The following AFF3 variants were observed in gnomAD, a reference collection of about 807,000 sequenced individuals.
The protein encoded by AFF3 is AF4/FMR2 family member 3.
In AFF3, 32 loss-of-function variants were observed where a neutral mutation model predicts 129.7. The observed-to-expected ratio is 0.25, with a 90% CI of 0.19 to 0.33. The LOEUF (loss-of-function observed/expected upper bound fraction) is 0.33, where lower values mean the gene tolerates loss of function less well. AFF3 is among the 10% of genes least tolerant of loss of function. The pLI is 1.00. For missense variants in AFF3, 1,373 were observed against 1,592.0 expected, an observed-to-expected ratio of 0.86 and a Z score of 2.34; for synonymous variants, 644 against 635.4, an observed-to-expected ratio of 1.01 and a Z score of -0.20.
intron 2 of AFF3, among the ~76,000 whole-genome samples, chr2:100,115,420 C>G (rs1018441853): frequency 3.3e-5 from 5 of 152,056 alleles, no homozygotes; most frequent in Non-Finnish European, 4.4e-5. Flanking sequence ...TGGTGATAGG[C>G]ACCTGTAATT....
intron 19 of AFF3, 21 bp downstream of exon 19, chr2:99,568,831 C>A (rs749226475): frequency 6.2e-7 from 1 of 1,612,250 alleles, no homozygotes; most frequent in Non-Finnish European, 8.5e-7. Flanking sequence ...AAGAACGTAT[C>A]TGGAAAGAAA....
At chr2:99,571,293 T>C (rs1335089531) in intron 18 of AFF3, among the ~76,000 whole-genome samples, 2 of 149,316 alleles carry the variant, frequency 1.3e-5, no homozygotes, top group African/African-American at 5.0e-5. Flanking sequence ...AGTTAGGTCA[T>C]TTTTTTTTTC....
intron 13 of AFF3, among the ~76,000 whole-genome samples, chr2:99,603,637 T>C (rs1406670027): frequency 1.3e-5 from 2 of 152,194 alleles, no homozygotes; most frequent in Non-Finnish European, 2.9e-5. Context: ...AAGTGACATC[T>C]AATTAAGCTA....
intron 8 of AFF3, among the ~76,000 whole-genome samples, chr2:99,828,597 C>T (rs553088873): frequency 1.0e-3 from 152 of 152,336 alleles, no homozygotes; most frequent in African/African-American, 3.5e-3. Flanking sequence ...CTCAGTATAA[C>T]GATCCCAGCC....
rs568687581 is a variant in AFF3, at chr2:99,992,601, T to TG, written c.873+14030dup. Among the ~76,000 whole-genome samples, 9 of 152,336 alleles carry TG rather than the reference T, an allele frequency of 5.9e-5. No individual in the cohort carries two copies. In the South Asian group the frequency reaches 1.7e-3, roughly 28 times the overall value. ...AATTTCTAGAATGTTCTAAAACACT[T>TG]GGAGTTTATAGATCCCACTCTTTCA... is the stretch of plus-strand genomic sequence containing the variant. On this transcript the variant is annotated intron_variant, in intron 7 of 24. Transcript: ENST00000672756.
At chr2:99,646,286 G>C (rs762439724) in intron 13 of AFF3, among the ~76,000 whole-genome samples, 2 of 152,212 alleles carry the variant, frequency 1.3e-5, no homozygotes, top group Non-Finnish European at 2.9e-5. Context: ...CTGAGGTTCT[G>C]AAGGAGGATA....
At chr2:99,945,398 G>A (rs1242846479) in intron 7 of AFF3, among the ~76,000 whole-genome samples, 1 of 152,176 alleles carries the variant, frequency 6.6e-6, no homozygotes, top group African/African-American at 2.4e-5. Context: ...AGGTCAAAGA[G>A]CCTCCCTGGG....
Position 99,571,292 on chromosome 2 carries a change from A to AT in AFF3, c.2919-2378dup, listed in dbSNP as rs144133092. On this transcript the variant is annotated intron_variant, in intron 18 of 24. Transcript: ENST00000672756. ...TATACTCTAGTATATAAGTTAGGTC[A>AT]TTTTTTTTTTCTTGCCCTGTTTTGT... 3.1e-3 allele frequency among the ~76,000 whole-genome samples: 466 copies of AT among 148,854 alleles called. 2 individuals are homozygous for AT. Among genetic ancestry groups the AT allele is most frequent in the African/African-American group, 0.01 (415 of 40,640 alleles).
chr2:99,913,820 T>C (rs1695269791), intron 7 of AFF3, among the ~76,000 whole-genome samples: 1 of 151,352 alleles, frequency 6.6e-6, no homozygotes, highest in African/African-American at 2.4e-5. Flanking sequence ...TCAGATAATT[T>C]GACAAAAAAA....
At chr2:100,067,180 TAAAAAAAAA>T (rs35574768) in intron 4 of AFF3, among the ~76,000 whole-genome samples, 1 of 134,314 alleles carries the variant, frequency 7.4e-6, no homozygotes, top group East Asian at 2.3e-4. Context: ...TCCACATAGT[TAAAAAAAAA>T]AAAAAAAAGG....
chr2:100,042,841 AT>A (rs1685547057), intron 4 of AFF3, among the ~76,000 whole-genome samples: 1 of 152,198 alleles, frequency 6.6e-6, no homozygotes, highest in African/African-American at 2.4e-5. Context: ...ATACTGCTGA[AT>A]TTTGCAATTC....
chr2:99,613,710 T>G (rs1466080053), intron 13 of AFF3, among the ~76,000 whole-genome samples: 1 of 152,230 alleles, frequency 6.6e-6, no homozygotes, highest in Non-Finnish European at 1.5e-5. Context: ...TTTTACAAAC[T>G]TCTTGTGTTG....
chr2:99,639,918 C>G (rs1463776510), intron 13 of AFF3, among the ~76,000 whole-genome samples: 1 of 151,988 alleles, frequency 6.6e-6, no homozygotes, highest in Admixed American at 6.6e-5. Flanking sequence ...GTCTTGAACT[C>G]CTGGCCTCGA....
intron 8 of AFF3, 86 bp from the exon 9 acceptor site, chr2:99,752,387 C>A (rs1415287402): frequency 3.7e-6 from 4 of 1,095,474 alleles, no homozygotes; most frequent in Non-Finnish European, 4.1e-6. Context: ...ACAAGTGGGC[C>A]TTCATAAGGC....
intron 8 of AFF3, among the ~76,000 whole-genome samples, chr2:99,819,659 C>G (rs1478670661): frequency 6.6e-6 from 1 of 152,212 alleles, no homozygotes; most frequent in African/African-American, 2.4e-5. Context: ...TAAATGAGAA[C>G]AGTAGCTTTT....
At chr2:99,782,142 C>A (rs1326346525) in intron 8 of AFF3, among the ~76,000 whole-genome samples, 5 of 152,136 alleles carry the variant, frequency 3.3e-5, no homozygotes, top group African/African-American at 1.2e-4. Flanking sequence ...TTTTGATTTT[C>A]CATTTCCCCT....
intron 4 of AFF3, among the ~76,000 whole-genome samples, chr2:100,050,288 T>C (rs1436993943): frequency 2.0e-5 from 3 of 152,146 alleles, no homozygotes; most frequent in Admixed American, 6.5e-5. Context: ...AGCACATTCT[T>C]CACATTGTCA....
intron 1 of AFF3, among the ~76,000 whole-genome samples, chr2:100,136,528 A>T (rs1356926832): frequency 1.3e-5 from 2 of 152,190 alleles, no homozygotes; most frequent in Non-Finnish European, 2.9e-5. Context: ...CTGATTTGAA[A>T]AGGGGCTTTT....
chr2:99,889,188 G>A (rs1248099206), intron 7 of AFF3, among the ~76,000 whole-genome samples: 3 of 151,986 alleles, frequency 2.0e-5, no homozygotes, highest in African/African-American at 7.3e-5. Flanking sequence ...GAGTACAGTG[G>A]CTATTCACAG....
Sources: allele counts gnomAD v4.1 joint callset (sites outside exome capture counted in the v4.1 genomes callset), GRCh38; gene constraint gnomAD v4.1.1; transcripts MANE v1.5; gene names NCBI Gene and HGNC (gene_info 2026-07-23, HGNC 2026-07-21).